Variants in BRD3OS observed in about 807,000 individuals in gnomAD.
BRD3OS encodes the protein BRD3 opposite strand.
Position 134,031,316 on chromosome 9 carries a change from G to A in BRD3OS, c.*4314G>A, listed in dbSNP as rs990380975. On this transcript the variant is annotated 3_prime_UTR_variant, in exon 3 of 3. Coordinates refer to ENST00000603928, the MANE Select transcript of BRD3OS (RefSeq NM_001355256.2). Reference sequence around the variant, plus strand: ...CACCTCACTGCCCTGTGGCTGGAGGGGCATTGCAAGGAGCGCCCCCCAGCC... The same window carrying A: ...CACCTCACTGCCCTGTGGCTGGAGGAGCATTGCAAGGAGCGCCCCCCAGCC... 6 of 209,566 alleles carry A rather than the reference G, an allele frequency of 2.9e-5. No individual in the cohort carries two copies. The highest frequency in any genetic ancestry group is 1.9e-4 in the South Asian group (1 of 5,310). The allele number at this position is 209,566 out of a possible 1,614,324, so 13.0% of individuals were successfully genotyped here. A position where few individuals can be genotyped will look rare whatever the true frequency, so the allele number is the denominator to read the frequency against.
At position 134,031,492 on chromosome 9, in the gene BRD3OS, CT is replaced by C. The variant is rs967540932; in HGVS notation, c.*4493del. On this transcript the variant is annotated 3_prime_UTR_variant, in exon 3 of 3. Transcript: ENST00000603928. The stretch of plus-strand genomic sequence containing the variant: ...CATTAAAGATCTGTTTAGAAAATAC[CT>C]TTGAAAACGAGGGTAACTTTAAAAA... The C allele has an allele frequency of 5.3e-5, 9 of 168,362 alleles. No individual in the cohort carries two copies. Among genetic ancestry groups the C allele is most frequent in the Non-Finnish European group, 7.8e-5 (7 of 89,612 alleles). The allele number at this position is 168,362 out of a possible 1,614,324, so 10.4% of individuals were successfully genotyped here. A position where few individuals can be genotyped will look rare whatever the true frequency, so the allele number is the denominator to read the frequency against.
Position 134,030,594 on chromosome 9 carries a change from A to C in BRD3OS, c.*3592A>C, listed in dbSNP as rs1257947085. The C allele has an allele frequency of 9.0e-6, 2 of 223,442 alleles. No homozygotes were observed. The highest frequency in any genetic ancestry group is 1.8e-5 in the Non-Finnish European group (2 of 112,058). 13.8% of individuals were successfully genotyped at this position (223,442 alleles called of 1,614,324 possible). On this transcript the variant is annotated 3_prime_UTR_variant, in exon 3 of 3. Transcript: ENST00000603928. ...AACATTTTAAATATAAAAAAGAAAA[A>C]CTTCCTGGAAGCATTATGCCAGTAT...
Position 134,030,489 on chromosome 9 carries a change from T to C in BRD3OS, c.*3487T>C, listed in dbSNP as rs1329304094. On this transcript the variant is annotated 3_prime_UTR_variant, in exon 3 of 3. Transcript: ENST00000603928. Reference sequence around the variant, plus strand: ...TGGACTCATTTTCAGTAACTGACATTTACAGGAATATACTAGAAACGGCAC... The same window carrying C: ...TGGACTCATTTTCAGTAACTGACATCTACAGGAATATACTAGAAACGGCAC... The C allele has an allele frequency of 4.9e-6, 1 of 203,932 alleles. No homozygotes were observed. The highest frequency in any genetic ancestry group is 1.0e-5 in the Non-Finnish European group (1 of 99,646). 12.6% of individuals were successfully genotyped at this position (203,932 alleles called of 1,614,324 possible).
At position 134,026,903 on chromosome 9, in the gene BRD3OS, G is replaced by A. The variant is rs1843435852; in HGVS notation, c.156G>A (p.Trp52Ter). ...GTYLSRSRSM[W>*]YSQYGNEAIL... Reference sequence around the variant, plus strand: ...ACCTGAGCAGGAGCCGAAGCATGTGGTACTCACAGTATGGAAATGAGGCCA... The same window carrying A: ...ACCTGAGCAGGAGCCGAAGCATGTGATACTCACAGTATGGAAATGAGGCCA... Residue 52 changes from tryptophan to a stop codon, truncating the protein, a stop_gained, in exon 3 of 3, where the codon TGG (tryptophan) becomes TGA (stop). Transcript: ENST00000603928. LOFTEE classifies it high-confidence loss of function. This position sits in a 1 kb window ranked among gnomAD's most constrained non-coding sequence, Gnocchi z 4.4. 1 of 398,998 alleles carries A rather than the reference G, an allele frequency of 2.5e-6. No individual in the cohort carries two copies. The highest frequency in any genetic ancestry group is 2.1e-5 in the African/African-American group (1 of 48,750). The allele number at this position is 398,998 out of a possible 1,614,324, so 24.7% of individuals were successfully genotyped here.
rs562253164 is a variant in BRD3OS at position 134,027,212 on chromosome 9, C to T, written c.*210C>T. On this transcript the variant is annotated 3_prime_UTR_variant, in exon 3 of 3. Transcript: ENST00000603928. Reference sequence around the variant, plus strand: ...GTGTGACTGGTGCACAGGACACTTCCCCTCTAGAGTCCCCTCCGTGGTCAG... The same window carrying T: ...GTGTGACTGGTGCACAGGACACTTCTCCTCTAGAGTCCCCTCCGTGGTCAG... 9 of 362,624 alleles carry T rather than the reference C, an allele frequency of 2.5e-5. No homozygotes were observed. Among genetic ancestry groups the T allele is most frequent in the African/African-American group, 1.0e-4 (5 of 47,918 alleles). The allele number at this position is 362,624 out of a possible 1,614,324, so 22.5% of individuals were successfully genotyped here.
At position 134,028,791 on chromosome 9, in the gene BRD3OS, ATGTGCCT is replaced by A. The variant is rs1843467812; in HGVS notation, c.*1790_*1796del. 6.6e-6 allele frequency: 1 copy of A among 152,262 alleles called. No homozygotes were observed. Among genetic ancestry groups the A allele is most frequent in the African/African-American group, 2.4e-5 (1 of 41,456 alleles). The allele number at this position is 152,262 out of a possible 1,614,324, so 9.4% of individuals were successfully genotyped here. ...CATCTGTGCAAACAGCATGTTCTGA[ATGTGCCT>A]GTACTCTGTTCGTGCTTCTCTTTGC... is the stretch of plus-strand genomic sequence containing the variant. On this transcript the variant is annotated 3_prime_UTR_variant, in exon 3 of 3. Transcript: ENST00000603928.
chr9:134,029,594 GTC>G lies in BRD3OS; in HGVS notation c.*2596_*2597del, dbSNP rs1843480276. On this transcript the variant is annotated 3_prime_UTR_variant, in exon 3 of 3. Coordinates refer to ENST00000603928, the MANE Select transcript of BRD3OS (RefSeq NM_001355256.2). Reference sequence around the variant, plus strand: ...CAGCCAGAACCTTCTCCCCTGGCATGTCTCTTCCAGGCCTAGTTCCAGAGCTG... The same window carrying G: ...CAGCCAGAACCTTCTCCCCTGGCATGTCTTCCAGGCCTAGTTCCAGAGCTG... 6.7e-6 allele frequency: 1 copy of G among 149,458 alleles called. No homozygotes were observed. 9.3% of individuals were successfully genotyped at this position (149,458 alleles called of 1,614,324 possible). A position where few individuals can be genotyped will look rare whatever the true frequency, so the allele number is the denominator to read the frequency against.
In BRD3OS at chr9:134,031,246, G is replaced by A. The variant is rs1564544396; in HGVS notation, c.*4244G>A. ...AAAGGCCCCACGATGCTCCTGCTGC[G>A]CTGCCCCCACAGCCGGCCGCTCCCC... On this transcript the variant is annotated 3_prime_UTR_variant, in exon 3 of 3. Transcript: ENST00000603928. The A allele has an allele frequency of 1.9e-5, 4 of 213,030 alleles. No individual in the cohort carries two copies. The highest frequency in any genetic ancestry group is 2.3e-5 in the African/African-American group (1 of 44,080). 13.2% of individuals were successfully genotyped at this position (213,030 alleles called of 1,614,324 possible).
In BRD3OS at chr9:134,029,476, TGAG is replaced by T. The variant is rs1288510677; in HGVS notation, c.*2475_*2477del. On this transcript the variant is annotated 3_prime_UTR_variant, in exon 3 of 3. Transcript: ENST00000603928. ...CCGTCCTCAAGGAGGCTGGTCTGGA[TGAG>T]AAGGGTCACAGTCTGGCCAGGAGTG... is the stretch of plus-strand genomic sequence containing the variant. The T allele has an allele frequency of 6.6e-6, 1 of 152,270 alleles. No individual in the cohort carries two copies. The highest frequency in any genetic ancestry group is 1.5e-5 in the Non-Finnish European group (1 of 68,090). The allele number at this position is 152,270 out of a possible 1,614,324, so 9.4% of individuals were successfully genotyped here. A position where few individuals can be genotyped will look rare whatever the true frequency, so the allele number is the denominator to read the frequency against.
In BRD3OS at chr9:134,028,647, C is replaced by T. The variant is rs570392602; in HGVS notation, c.*1645C>T. The stretch of plus-strand genomic sequence containing the variant: ...CAGGTGATCTGCCCACCTCGGCCTC[C>T]CAAAGTACTGGGATTACAGGCGTGA... On this transcript the variant is annotated 3_prime_UTR_variant, in exon 3 of 3. Transcript: ENST00000603928. 6.6e-6 allele frequency: 1 copy of T among 152,414 alleles called. No individual in the cohort carries two copies. The highest frequency in any genetic ancestry group is 1.5e-5 in the Non-Finnish European group (1 of 68,108). 9.4% of individuals were successfully genotyped at this position (152,414 alleles called of 1,614,324 possible). A position where few individuals can be genotyped will look rare whatever the true frequency, so the allele number is the denominator to read the frequency against.
At position 134,027,837 on chromosome 9, in the gene BRD3OS, A is replaced by C. The variant is rs938707674; in HGVS notation, c.*835A>C. 1 of 152,248 alleles carries C rather than the reference A, an allele frequency of 6.6e-6. No homozygotes were observed. Among genetic ancestry groups the C allele is most frequent in the Non-Finnish European group, 1.5e-5 (1 of 68,048 alleles). 9.4% of individuals were successfully genotyped at this position (152,248 alleles called of 1,614,324 possible). A position where few individuals can be genotyped will look rare whatever the true frequency, so the allele number is the denominator to read the frequency against. On this transcript the variant is annotated 3_prime_UTR_variant, in exon 3 of 3. Coordinates refer to ENST00000603928, the MANE Select transcript of BRD3OS (RefSeq NM_001355256.2). ...AGGAAACCCGAGAGTTGTAAGTTGCACATGTGTGGCCTACAGTGACTTCCA... is the reference window on the plus strand; with the variant it reads ...AGGAAACCCGAGAGTTGTAAGTTGCCCATGTGTGGCCTACAGTGACTTCCA...
Position 134,031,176 on chromosome 9 carries a change from C to T in BRD3OS, c.*4174C>T. ...GTGGCTTCTTTCTAGATGAAAGGAG[C>T]AGAGGCGAGCCGACGCCACCGTCAC... is the stretch of plus-strand genomic sequence containing the variant. On this transcript the variant is annotated 3_prime_UTR_variant, in exon 3 of 3. Coordinates refer to ENST00000603928, the MANE Select transcript of BRD3OS (RefSeq NM_001355256.2). The T allele has an allele frequency of 4.5e-6, 1 of 224,468 alleles. No homozygotes were observed. Among genetic ancestry groups the T allele is most frequent in the Non-Finnish European group, 8.9e-6 (1 of 112,602 alleles). The allele number at this position is 224,468 out of a possible 1,614,324, so 13.9% of individuals were successfully genotyped here.
At position 134,026,427 on chromosome 9, in the gene BRD3OS, C is replaced by A. The variant is rs142913914; in HGVS notation, c.-321C>A. 9 of 195,950 alleles carry A rather than the reference C, an allele frequency of 4.6e-5. No homozygotes were observed. Among genetic ancestry groups the A allele is most frequent in the East Asian group, 3.5e-4 (3 of 8,626 alleles). 12.1% of individuals were successfully genotyped at this position (195,950 alleles called of 1,614,324 possible). A position where few individuals can be genotyped will look rare whatever the true frequency, so the allele number is the denominator to read the frequency against. Reference sequence around the variant, plus strand: ...GGTCCAGGCCATGGTGGCAGAATCACCCCCCAGGGTGTGACGCCTCGTCCC... The same window carrying A: ...GGTCCAGGCCATGGTGGCAGAATCAACCCCCAGGGTGTGACGCCTCGTCCC... On this transcript the variant is annotated 5_prime_UTR_variant, in exon 3 of 3. Transcript: ENST00000603928. The surrounding 1 kb of genome is among the most constrained non-coding windows in gnomAD (Gnocchi z 4.4).
chr9:134,026,490 C>T lies in BRD3OS; in HGVS notation c.-258C>T. 6.8e-6 allele frequency: 2 copies of T among 294,610 alleles called. No homozygotes were observed. Among genetic ancestry groups the T allele is most frequent in the Non-Finnish European group, 1.2e-5 (2 of 160,342 alleles). The allele number at this position is 294,610 out of a possible 1,614,324, so 18.2% of individuals were successfully genotyped here. On this transcript the variant is annotated 5_prime_UTR_variant, in exon 3 of 3. Transcript: ENST00000603928. The surrounding 1 kb of genome is among the most constrained non-coding windows in gnomAD (Gnocchi z 4.4). Reference sequence around the variant, plus strand: ...ACAGCTGCACCCGGAAGAGCTGTGGCCGGGCGCCGCTCTGACCTGTGTGCG... The same window carrying T: ...ACAGCTGCACCCGGAAGAGCTGTGGTCGGGCGCCGCTCTGACCTGTGTGCG...
In BRD3OS at chr9:134,028,101, C is replaced by T. The variant is rs1244055311; in HGVS notation, c.*1099C>T. The T allele has an allele frequency of 6.6e-6, 1 of 152,270 alleles. No homozygotes were observed. Among genetic ancestry groups the T allele is most frequent in the African/African-American group, 2.4e-5 (1 of 41,468 alleles). The allele number at this position is 152,270 out of a possible 1,614,324, so 9.4% of individuals were successfully genotyped here. ...CTAAATAAACATCCTTTAATACACT[C>T]CTCCCCTTCCTCACACTTATTTTTA... On this transcript the variant is annotated 3_prime_UTR_variant, in exon 3 of 3. Transcript: ENST00000603928.
Position 134,029,680 on chromosome 9 carries a change from A to G in BRD3OS, c.*2678A>G, listed in dbSNP as rs1588265399. 1 of 152,378 alleles carries G rather than the reference A, an allele frequency of 6.6e-6. No homozygotes were observed. The highest frequency in any genetic ancestry group is 2.1e-4 in the South Asian group (1 of 4,826). 9.4% of individuals were successfully genotyped at this position (152,378 alleles called of 1,614,324 possible). A position where few individuals can be genotyped will look rare whatever the true frequency, so the allele number is the denominator to read the frequency against. On this transcript the variant is annotated 3_prime_UTR_variant, in exon 3 of 3. Transcript: ENST00000603928. Reference sequence around the variant, plus strand: ...TCCAGTCTGGCAGTTAAACCTCACTATGAAAATCTGCTTTTGGGATTTTAT... The same window carrying G: ...TCCAGTCTGGCAGTTAAACCTCACTGTGAAAATCTGCTTTTGGGATTTTAT...
chr9:134,027,840 T>A lies in BRD3OS; in HGVS notation c.*838T>A, dbSNP rs993757495. The A allele has an allele frequency of 1.3e-5, 2 of 152,246 alleles. No homozygotes were observed. Among genetic ancestry groups the A allele is most frequent in the Non-Finnish European group, 2.9e-5 (2 of 68,038 alleles). The allele number at this position is 152,246 out of a possible 1,614,324, so 9.4% of individuals were successfully genotyped here. A position where few individuals can be genotyped will look rare whatever the true frequency, so the allele number is the denominator to read the frequency against. ...AAACCCGAGAGTTGTAAGTTGCACATGTGTGGCCTACAGTGACTTCCATGT... is the reference window on the plus strand; with the variant it reads ...AAACCCGAGAGTTGTAAGTTGCACAAGTGTGGCCTACAGTGACTTCCATGT... On this transcript the variant is annotated 3_prime_UTR_variant, in exon 3 of 3. Coordinates refer to ENST00000603928, the MANE Select transcript of BRD3OS (RefSeq NM_001355256.2).
In BRD3OS at chr9:134,031,046, G is replaced by A. The variant is rs554802521; in HGVS notation, c.*4044G>A. ...GCGCTGAGGAAGTCATTAATCCTTCGAAACTCTGAAAAGAAACCAGTGTTG... is the reference window on the plus strand; with the variant it reads ...GCGCTGAGGAAGTCATTAATCCTTCAAAACTCTGAAAAGAAACCAGTGTTG... On this transcript the variant is annotated 3_prime_UTR_variant, in exon 3 of 3. Coordinates refer to ENST00000603928, the MANE Select transcript of BRD3OS (RefSeq NM_001355256.2). 4 of 230,684 alleles carry A rather than the reference G, an allele frequency of 1.7e-5. No homozygotes were observed. The highest frequency in any genetic ancestry group is 2.6e-5 in the Non-Finnish European group (3 of 116,464). 14.3% of individuals were successfully genotyped at this position (230,684 alleles called of 1,614,324 possible). A position where few individuals can be genotyped will look rare whatever the true frequency, so the allele number is the denominator to read the frequency against.
At position 134,027,531 on chromosome 9, in the gene BRD3OS, ATCTCC is replaced by A. The variant is rs1368862132; in HGVS notation, c.*531_*535del. The A allele has an allele frequency of 6.6e-6, 1 of 152,148 alleles. No individual in the cohort carries two copies. The highest frequency in any genetic ancestry group is 1.5e-5 in the Non-Finnish European group (1 of 68,074). The allele number at this position is 152,148 out of a possible 1,614,324, so 9.4% of individuals were successfully genotyped here. A position where few individuals can be genotyped will look rare whatever the true frequency, so the allele number is the denominator to read the frequency against. On this transcript the variant is annotated 3_prime_UTR_variant, in exon 3 of 3. Transcript: ENST00000603928. ...ACAATCACAGCTCACTGTAGGCTCT[ATCTCC>A]TGGGCTCAGGTGATCCTCCCAAACT...
Sources: gnomAD v4.1 joint callset for allele counts on GRCh38, gnomAD v4.1.1 for gene constraint, Gnocchi (gnomAD v3.1) non-coding constraint, MANE v1.5 for transcripts, NCBI Gene and HGNC (gene_info 2026-07-23, HGNC 2026-07-21) for gene names.